COL15A1: variants seen among roughly 807,000 people sequenced by gnomAD.
COL15A1 encodes the protein collagen type XV alpha 1 chain, also known as collagen alpha-1(XV) chain.
In COL15A1, 111 loss-of-function variants were observed where a neutral mutation model predicts 165.9. That is an observed-to-expected ratio of 0.67 (90% CI 0.57 to 0.78). The LOEUF is 0.78. COL15A1 is among the 30% of genes least tolerant of loss of function. The pLI, the probability that COL15A1 is intolerant of heterozygous loss-of-function variation, is 0.00. For synonymous variants in COL15A1, 659 were observed against 674.8 expected, an observed-to-expected ratio of 0.98 and a Z score of 0.36; for missense variants, 1,745 against 1,789.7, an observed-to-expected ratio of 0.98 and a Z score of 0.45.
At chr9:99,052,553 G>A (rs34807834) in intron 31 of COL15A1, 120 bp downstream of exon 31, 1 of 836,402 alleles carries the variant, frequency 1.2e-6, no homozygotes, top group South Asian at 1.4e-5. Flanking sequence ...GGATGCTGTA[G>A]GGGTGGGGAT....
intron 9 of COL15A1, among the ~76,000 whole-genome samples, chr9:99,012,704 T>A (rs1482687658): frequency 1.7e-5 from 1 of 58,306 alleles, no homozygotes; most frequent in Non-Finnish European, 3.0e-5. Flanking sequence ...TTTCCCACCC[T>A]TTTTTTTTTT....
At chr9:99,020,161 C>A (rs1839001128) in intron 11 of COL15A1, among the ~76,000 whole-genome samples, 1 of 152,162 alleles carries the variant, frequency 6.6e-6, no homozygotes, top group South Asian at 2.1e-4. Context: ...AGGCTCTTCC[C>A]ACTAGTCATT....
Position 99,023,435 on chromosome 9 carries a change from G to A in COL15A1, c.1840G>A (p.Glu614Lys), listed in dbSNP as rs1230746850. The change falls in exon 14 of 42, where the codon GAG becomes AAG. Residue 614 changes from glutamate to lysine, a missense_variant. Coordinates refer to ENST00000375001, the MANE Select transcript of COL15A1 (RefSeq NM_001855.5). Reference protein sequence around the residue: ...GSGSGDLVGSEQLLRGPPGPP... With the variant: ...GSGSGDLVGSKQLLRGPPGPP... ...TGGCTCTGGTGACCTGGTGGGCAGTGAGCAGCTGCTGAGAGTGAGTGTGAA... is the reference window on the plus strand; with the variant it reads ...TGGCTCTGGTGACCTGGTGGGCAGTAAGCAGCTGCTGAGAGTGAGTGTGAA... 4.9e-6 allele frequency: 7 copies of A among 1,425,770 alleles called. No individual in the cohort carries two copies. Among genetic ancestry groups the A allele is most frequent in the Non-Finnish European group, 6.9e-6 (7 of 1,009,206 alleles). The allele number at this position is 1,425,770 out of a possible 1,614,324, so 88.3% of individuals were successfully genotyped here.
At chr9:99,046,387 G>A (rs892971867) in intron 26 of COL15A1, among the ~76,000 whole-genome samples, 1 of 152,160 alleles carries the variant, frequency 6.6e-6, no homozygotes, top group South Asian at 2.1e-4. Context: ...AAGACATACT[G>A]GATCTGCATT....
intron 5 of COL15A1, among the ~76,000 whole-genome samples, chr9:98,992,857 A>C (rs557215010): frequency 6.6e-6 from 1 of 152,300 alleles, no homozygotes; most frequent in Non-Finnish European, 1.5e-5. Flanking sequence ...CACTGCAGGC[A>C]CTGGGGCAGA....
intron 11 of COL15A1, among the ~76,000 whole-genome samples, 185 bp downstream of exon 11, chr9:99,016,304 G>A (rs1328555287): frequency 6.6e-6 from 1 of 152,206 alleles, no homozygotes; most frequent in Non-Finnish European, 1.5e-5. Context: ...AGATCATAGA[G>A]AAAAAGCAAG....
intron 24 of COL15A1, among the ~76,000 whole-genome samples, chr9:99,042,943 G>A (rs1203487218): frequency 6.6e-6 from 1 of 152,206 alleles, no homozygotes; most frequent in East Asian, 1.9e-4. Context: ...CCCGTGTGGT[G>A]TGCCAGGCAG....
chr9:98,963,872 C>T (rs1837905919), intron 2 of COL15A1, among the ~76,000 whole-genome samples: 1 of 152,208 alleles, frequency 6.6e-6, no homozygotes, highest in Non-Finnish European at 1.5e-5. Context: ...CCCAAATCTC[C>T]ATGACTTGCA....
intron 5 of COL15A1, among the ~76,000 whole-genome samples, chr9:98,994,366 A>C (rs1419613972): frequency 1.3e-5 from 2 of 152,122 alleles, no homozygotes; most frequent in Non-Finnish European, 1.5e-5. Flanking sequence ...ATGGCGCCTT[A>C]GTTCCTGCGG....
At chr9:99,057,721 C>T (rs1825744386) in intron 35 of COL15A1, among the ~76,000 whole-genome samples, 1 of 152,134 alleles carries the variant, frequency 6.6e-6, no homozygotes, top group African/African-American at 2.4e-5. Context: ...TCTACTATGT[C>T]CATTGGAGGA....
chr9:98,984,799 T>G (rs1225498650), intron 2 of COL15A1, among the ~76,000 whole-genome samples: 1 of 152,202 alleles, frequency 6.6e-6, no homozygotes, highest in Admixed American at 6.5e-5. Flanking sequence ...TTTTTTTGTT[T>G]TTGTTTTTTT....
rs373133603 is a variant in COL15A1 at position 98,992,383 on chromosome 9, C to T, written c.804+3125C>T. Reference sequence around the variant, plus strand: ...CCTCACTGCCCAGGGTCGGTGGCACCGGCTGGCCGCTTAGAGTGCGGGGCC... The same window carrying T: ...CCTCACTGCCCAGGGTCGGTGGCACTGGCTGGCCGCTTAGAGTGCGGGGCC... On this transcript the variant is annotated intron_variant, in intron 5 of 41. Transcript: ENST00000375001. 3.9e-5 allele frequency among the ~76,000 whole-genome samples: 6 copies of T among 152,356 alleles called. No homozygotes were observed. In the East Asian group the frequency reaches 5.8e-4, roughly 15 times the overall value.
chr9:99,056,747 A>G (rs1252671471), intron 35 of COL15A1, among the ~76,000 whole-genome samples: 2 of 152,110 alleles, frequency 1.3e-5, no homozygotes, highest in African/African-American at 2.4e-5. Flanking sequence ...GCAACCATGA[A>G]TCTACTTCTG....
chr9:98,971,806 G>T lies in COL15A1; in HGVS notation c.101-13759G>T, dbSNP rs574505945. On this transcript the variant is annotated intron_variant, in intron 2 of 41. Coordinates refer to ENST00000375001, the MANE Select transcript of COL15A1 (RefSeq NM_001855.5). Reference sequence around the variant, plus strand: ...GAGCAGAGCTGGGTCACAGGATAGGGGAGTCACCCCATGCTCTCAGCAGAG... The same window carrying T: ...GAGCAGAGCTGGGTCACAGGATAGGTGAGTCACCCCATGCTCTCAGCAGAG... 4.1e-4 allele frequency among the ~76,000 whole-genome samples: 62 copies of T among 152,310 alleles called. No individual in the cohort carries two copies. In the South Asian group the frequency reaches 0.012, roughly 31 times the overall value.
rs780605279 is a variant in COL15A1 at position 99,038,654 on chromosome 9, T to A, written c.2410-14T>A. 39 of 1,558,532 alleles carry A rather than the reference T, an allele frequency of 2.5e-5. 1 individual carries two copies. The African/African-American group carries it at 4.7e-4, about 19-fold the overall frequency. Reference sequence around the variant, plus strand: ...CCATCCTTTGTCCTCATTGTCTGATTTTTCTCTTTTCAGTCCTTGATCAAT... The same window carrying A: ...CCATCCTTTGTCCTCATTGTCTGATATTTCTCTTTTCAGTCCTTGATCAAT... On this transcript the variant is annotated splice_polypyrimidine_tract_variant and intron_variant, in intron 21 of 41. Coordinates refer to ENST00000375001, the MANE Select transcript of COL15A1 (RefSeq NM_001855.5).
At chr9:99,041,988 G>T in intron 23 of COL15A1, 57 bp from the exon 24 acceptor site, 2 of 1,111,366 alleles carry the variant, frequency 1.8e-6, no homozygotes, top group Non-Finnish European at 2.7e-6. Context: ...ATTTCTGATT[G>T]GTTTATGCAT....
chr9:99,046,658 A>G (rs139090984), intron 26 of COL15A1, among the ~76,000 whole-genome samples: 1 of 152,328 alleles, frequency 6.6e-6, no homozygotes, highest in Non-Finnish European at 1.5e-5. Context: ...AGAGCTAGGG[A>G]GAACTCATTC....
intron 26 of COL15A1, among the ~76,000 whole-genome samples, chr9:99,047,057 G>A (rs1351867891): frequency 3.9e-5 from 6 of 152,214 alleles, no homozygotes; most frequent in African/African-American, 1.4e-4. Flanking sequence ...CAGCTACAGG[G>A]TTGGAAAGGC....
intron 2 of COL15A1, among the ~76,000 whole-genome samples, chr9:98,981,728 G>C (rs1838238320): frequency 6.6e-6 from 1 of 152,190 alleles, no homozygotes; most frequent in South Asian, 2.1e-4. Context: ...GGACTGAAGA[G>C]AGTTCATGGG....
Sources: gnomAD v4.1 joint callset for allele counts (sites outside exome capture counted in the v4.1 genomes callset) on GRCh38, gnomAD v4.1.1 for gene constraint, MANE v1.5 for transcripts, NCBI Gene and HGNC (gene_info 2026-07-23, HGNC 2026-07-21) for gene names.